Variants in ERICH1 observed in about 807,000 individuals in gnomAD.
ERICH1 encodes glutamate-rich protein 1.
In ERICH1, 56 loss-of-function variants were observed where a neutral mutation model predicts 39.6. The ratio of observed to expected loss-of-function variants is 1.41; its 90% CI spans 1.14 to 1.77. The LOEUF is 1.77. Ranked by LOEUF, ERICH1 falls within the 40% of genes most tolerant of loss-of-function variation. The pLI, the probability that ERICH1 is intolerant of heterozygous loss-of-function variation, is 0.00. For synonymous variants in ERICH1, 313 were observed against 223.6 expected (o/e 1.40, Z -3.57); for missense variants, 826 against 575.4 (o/e 1.44, Z -4.45).
intron 2 of ERICH1, among the ~76,000 whole-genome samples, chr8:695,242 C>T (rs1285054076): frequency 1.3e-5 from 2 of 152,084 alleles, no homozygotes; most frequent in African/African-American, 4.8e-5. Context: ...CAGCCCTGTG[C>T]GGAAGGGACC....
intron 4 of ERICH1, among the ~76,000 whole-genome samples, chr8:672,876 T>G (rs1013827527): frequency 2.0e-5 from 3 of 152,272 alleles, no homozygotes; most frequent in Non-Finnish European, 2.9e-5. Flanking sequence ...CCTCTCAGTC[T>G]GCTTATGAAG....
chr8:677,209 C>T (rs1805047874), intron 3 of ERICH1, among the ~76,000 whole-genome samples: 3 of 152,230 alleles, frequency 2.0e-5, no homozygotes, highest in Admixed American at 2.0e-4. Context: ...GTTTCTCTCA[C>T]CCTGAAAATA....
At chr8:716,690 G>A (rs930519939) in intron 1 of ERICH1, among the ~76,000 whole-genome samples, 1 of 152,200 alleles carries the variant, frequency 6.6e-6, no homozygotes, top group Non-Finnish European at 1.5e-5. Flanking sequence ...TAATAAACAG[G>A]CAGCTGCTTT....
intron 3 of ERICH1, among the ~76,000 whole-genome samples, chr8:629,373 TCA>T (rs1563166430): frequency 7.0e-6 from 1 of 142,438 alleles, no homozygotes; most frequent in East Asian, 2.1e-4. Flanking sequence ...CAGAGCTGAC[TCA>T]CACTCTCCTG....
intron 2 of ERICH1, 31 bp from the exon 3 acceptor site, chr8:692,643 G>A (rs1809187164): frequency 3.9e-6 from 6 of 1,535,686 alleles, no homozygotes; most frequent in South Asian, 3.6e-5. Flanking sequence ...AACAGGAACT[G>A]GTAAATATCA....
intron 2 of ERICH1, among the ~76,000 whole-genome samples, chr8:703,507 C>T (rs1436463831): frequency 2.0e-5 from 3 of 152,160 alleles, no homozygotes; most frequent in Admixed American, 6.5e-5. Context: ...CCCCACCACC[C>T]GTGGGAGACC....
At chr8:706,791 A>C (rs1354684447) in intron 2 of ERICH1, among the ~76,000 whole-genome samples, 1 of 152,146 alleles carries the variant, frequency 6.6e-6, no homozygotes. Flanking sequence ...ACAACAACAA[A>C]AAGATAAAAC....
chr8:617,004 A>C (rs1796962462), intron 3 of ERICH1, among the ~76,000 whole-genome samples: 1 of 149,070 alleles, frequency 6.7e-6, no homozygotes, highest in Non-Finnish European at 1.5e-5. Context: ...ATAAGCGAGC[A>C]AATATCCAGA....
At chr8:683,098 T>C (rs1361984145) in intron 3 of ERICH1, among the ~76,000 whole-genome samples, 2 of 152,184 alleles carry the variant, frequency 1.3e-5, no homozygotes, top group Non-Finnish European at 2.9e-5. Context: ...AAGGAAACAC[T>C]GGAGTCTCAC....
intron 3 of ERICH1, chr8:615,531 T>A: frequency 7.2e-6 from 3 of 419,202 alleles, no homozygotes; most frequent in Non-Finnish European, 8.4e-6. Flanking sequence ...GCTCAGACAA[T>A]GGCAGTGTTG....
chr8:665,427 C>T (rs1015679552), intron 5 of ERICH1, among the ~76,000 whole-genome samples: 4 of 152,176 alleles, frequency 2.6e-5, no homozygotes, highest in Admixed American at 2.6e-4. Context: ...AAATGTTGCA[C>T]CTGGAATCTA....
At chr8:635,851 A>G (rs1263578929) in intron 3 of ERICH1, among the ~76,000 whole-genome samples, 1 of 152,194 alleles carries the variant, frequency 6.6e-6, no homozygotes, top group Non-Finnish European at 1.5e-5. Context: ...TTTGTGTTCA[A>G]CCAACTCTGG....
intron 3 of ERICH1, chr8:626,345 C>A (rs1254416384): frequency 6.6e-6 from 1 of 152,064 alleles, no homozygotes; most frequent in Non-Finnish European, 1.5e-5. Context: ...AGGGAGTGAC[C>A]GGGGGGCTTC....
Position 656,679 on chromosome 8 carries a change from A to G in ERICH1, c.976+11919T>C, listed in dbSNP as rs994734311. On this transcript the variant is annotated intron_variant, in intron 3 of 3. Transcript: ENST00000522706. ...ATTTTGGGGCTTACTTGCCTCTGGG[A>G]ATAAAGGACATCCCCATTCACGCTG... The G allele has an allele frequency of 3.3e-6, 3 of 910,008 alleles. No individual in the cohort carries two copies. The African/African-American group carries it at 5.4e-5, about 16-fold the overall frequency. 56.4% of individuals were successfully genotyped at this position (910,008 alleles called of 1,614,324 possible).
intron 3 of ERICH1, among the ~76,000 whole-genome samples, chr8:641,849 C>T (rs1799024724): frequency 6.6e-6 from 1 of 152,230 alleles, no homozygotes; most frequent in African/African-American, 2.4e-5. Flanking sequence ...CTGTGCTGGC[C>T]AAAACCCCAC....
intron 1 of ERICH1, among the ~76,000 whole-genome samples, chr8:722,589 T>C (rs2132420874): frequency 6.6e-6 from 1 of 152,364 alleles, no homozygotes; most frequent in African/African-American, 2.4e-5. Context: ...TATTCAATTC[T>C]AAACTCTTCC....
At position 634,347 on chromosome 8, in the gene ERICH1, G is replaced by A. The variant is rs181045339; in HGVS notation, c.977-19063C>T. 7.2e-5 allele frequency among the ~76,000 whole-genome samples: 11 copies of A among 152,298 alleles called. No homozygotes were observed. The East Asian group carries it at 1.9e-3, about 27-fold the overall frequency. The stretch of plus-strand genomic sequence containing the variant: ...AACACAAAGGCAACGAGCGAGCGTC[G>A]TGGAGCGCTTGGAACCCTCGTGCAC... On this transcript the variant is annotated intron_variant, in intron 3 of 3. Coordinates refer to the ERICH1 transcript ENST00000522706.
chr8:620,186 C>T (rs1430573719), intron 3 of ERICH1, among the ~76,000 whole-genome samples: 1 of 152,060 alleles, frequency 6.6e-6, no homozygotes, highest in Non-Finnish European at 1.5e-5. Context: ...GTGGCGCACA[C>T]CTGTAATCCC....
intron 3 of ERICH1, among the ~76,000 whole-genome samples, chr8:690,514 C>A (rs1808663162): frequency 6.6e-6 from 1 of 152,268 alleles, no homozygotes; most frequent in Non-Finnish European, 1.5e-5. Flanking sequence ...AAGGGCGCAG[C>A]AAGTGCCGCT....
Sources: allele counts gnomAD v4.1 joint callset (sites outside exome capture counted in the v4.1 genomes callset), GRCh38; gene constraint gnomAD v4.1.1; transcripts MANE v1.5; gene names NCBI Gene and HGNC (gene_info 2026-07-23, HGNC 2026-07-21).